PRB4: variants seen among roughly 807,000 people sequenced by gnomAD.
PRB4 encodes the protein basic salivary proline-rich protein 4.
In PRB4, 14 loss-of-function variants were observed where a neutral mutation model predicts 9.1. The observed-to-expected ratio is 1.54, with a 90% confidence interval of 1.02 to 2.41. The LOEUF (loss-of-function observed/expected upper bound fraction) is 2.41. PRB4 is among the 30% of genes most tolerant of loss of function. The pLI, the probability that PRB4 is intolerant of heterozygous loss-of-function variation, is 0.00. For missense variants in PRB4, 381 were observed against 299.3 expected, an observed-to-expected ratio of 1.27 and a Z score of -2.02; for synonymous variants, 102 against 108.5, an observed-to-expected ratio of 0.94 and a Z score of 0.37.
At chr12:11,310,262 T>C in intron 1 of PRB4, 73 bp downstream of exon 1, 1 of 1,582,974 alleles carries the variant, frequency 6.3e-7, no homozygotes, top group Non-Finnish European at 8.7e-7. Context: ...CATTCTCCTC[T>C]CTTCCCCATA....
chr12:11,309,331 A>C (rs769140570), intron 2 of PRB4, 39 bp downstream of exon 2: 2 of 1,613,896 alleles, frequency 1.2e-6, no homozygotes, highest in Non-Finnish European at 1.7e-6. Flanking sequence ...TAAGCAGAAA[A>C]AGGGAGTCAA....
At chr12:11,310,226 A>G (rs548603401) in intron 1 of PRB4, 109 bp downstream of exon 1, 2 of 1,416,568 alleles carry the variant, frequency 1.4e-6, no homozygotes, top group South Asian at 2.3e-5. Context: ...CTAGGCATGA[A>G]AACTCTGCAG....
chr12:11,308,361 G>C lies in PRB4; in HGVS notation c.622C>G (p.Pro208Ala). ...GGCTGCTGGGGATTGCCTCCTGCTGGGGGTGGGCCTTGTGGCTTTCCAGGA... is the reference window on the plus strand; with the variant it reads ...GGCTGCTGGGGATTGCCTCCTGCTGCGGGTGGGCCTTGTGGCTTTCCAGGA... The part of the protein sequence containing the change: ...PPPGKPQGPP[P>A]AGGNPQQPQA... Residue 208 changes from proline (P) to alanine (A), a missense_variant, in exon 3 of 4, where the codon CCA (proline) becomes GCA (alanine). Coordinates refer to ENST00000279575, the MANE Select transcript of PRB4 (RefSeq NM_002723.6). The C allele has an allele frequency of 6.2e-7, 1 of 1,601,638 alleles. No homozygotes were observed. The highest frequency in any genetic ancestry group is 8.5e-7 in the Non-Finnish European group (1 of 1,170,378).
rs75743553 is a variant in PRB4, at chr12:11,308,741, C to A, written c.242G>T (p.Arg81Leu). The A allele has an allele frequency of 6.9e-7, 1 of 1,439,280 alleles. No individual in the cohort carries two copies. Among genetic ancestry groups the A allele is most frequent in the African/African-American group, 1.7e-5 (1 of 58,396 alleles). The allele number at this position is 1,439,280 out of a possible 1,614,324, so 89.2% of individuals were successfully genotyped here. A position where few individuals can be genotyped will look rare whatever the true frequency, so the allele number is the denominator to read the frequency against. ...PPPPPGKPEG[R>L]PPQGGNQSQG... Reference sequence around the variant, plus strand: ...GGACTGGTTGCCTCCTTGTGGGGGTCGTCCTTCTGGCTTTCCTGGAGGAGG... The same window carrying A: ...GGACTGGTTGCCTCCTTGTGGGGGTAGTCCTTCTGGCTTTCCTGGAGGAGG... Residue 81 changes from arginine to leucine, a missense_variant, in exon 3 of 4, where the codon CGA (arginine) becomes CTA (leucine). Transcript: ENST00000279575.
intron 1 of PRB4, 89 bp from the exon 2 acceptor site, chr12:11,309,494 C>A (rs1863004467): frequency 6.2e-7 from 1 of 1,609,542 alleles, no homozygotes; most frequent in Non-Finnish European, 8.5e-7. Context: ...GTCTTCTCAC[C>A]ACACCCCATG....
intron 2 of PRB4, 36 bp downstream of exon 2, chr12:11,309,334 G>A (rs1480021810): frequency 1.9e-6 from 3 of 1,613,794 alleles, no homozygotes; most frequent in African/African-American, 1.3e-5. Flanking sequence ...GCAGAAAAAG[G>A]GAGTCAAAAC....
chr12:11,307,241 G>C (rs1230269730), intron 3 of PRB4, 42 bp from the exon 4 acceptor site: 1 of 152,616 alleles, frequency 6.6e-6, no homozygotes, highest in African/African-American at 2.4e-5. Flanking sequence ...TCACTCTTTT[G>C]ATGCCCTTGC....
rs755659964 is a variant in PRB4, at chr12:11,308,279, C to T, written c.704G>A (p.Arg235Lys). ...QGPPPPPQGG[R>K]PPRPAQGQQP... The stretch of plus-strand genomic sequence containing the variant: ...TTGTCCCTGGGCAGGTCTGGGTGGC[C>T]TGCCCCCTTGAGGAGGTGGAGGTGG... The change falls in exon 3 of 4, where the codon AGG becomes AAG. Residue 235 changes from arginine to lysine, a missense_variant. Arg to Lys is a conservative substitution (Grantham distance 26, BLOSUM62 2). Transcript: ENST00000279575. The T allele has an allele frequency of 5.2e-5, 83 of 1,608,922 alleles. No homozygotes were observed. The highest frequency in any genetic ancestry group is 9.3e-6 in the Non-Finnish European group (11 of 1,177,858).
In PRB4 at chr12:11,308,397, C is replaced by A. The variant is rs745994903; in HGVS notation, c.586G>T (p.Gly196Cys). 5.0e-6 allele frequency: 8 copies of A among 1,611,720 alleles called. No homozygotes were observed. The African/African-American group carries it at 8.0e-5, about 16-fold the overall frequency. ...TGTGGCTTTCCAGGAGGTGGGGGAC[C>A]TTGAGGCTTGTTGCCTTCTTGTTGG... ...PPQQEGNKPQ[G>C]PPPPGKPQGP... Residue 196 changes from glycine to cysteine, a missense_variant, in exon 3 of 4, where the codon GGT becomes TGT. Gly to Cys is a radical substitution (Grantham distance 159). Around this residue, in one of 3 missense-constraint regions of PRB4, gnomAD observed 204 missense variants for 134.4 expected, o/e 1.52. Coordinates refer to ENST00000279575, the MANE Select transcript of PRB4 (RefSeq NM_002723.6).
chr12:11,308,295 G>T lies in PRB4; in HGVS notation c.688C>A (p.Pro230Thr). The change falls in exon 3 of 4, where the codon CCT (proline) becomes ACT (threonine). Residue 230 changes from proline to threonine, a missense_variant. Around this residue, in one of 3 missense-constraint regions of PRB4, gnomAD observed 204 missense variants for 134.4 expected, o/e 1.52. Transcript: ENST00000279575. ...CTGGGTGGCCTGCCCCCTTGAGGAG[G>T]TGGAGGTGGCCCCTGGGGCTTTCCA... is the stretch of plus-strand genomic sequence containing the variant. ...PAGKPQGPPP[P>T]PQGGRPPRPA... The T allele has an allele frequency of 6.2e-7, 1 of 1,609,928 alleles. No individual in the cohort carries two copies. Among genetic ancestry groups the T allele is most frequent in the Non-Finnish European group, 8.5e-7 (1 of 1,178,010 alleles).
At chr12:11,307,751 TA>T (rs1295659760) in intron 3 of PRB4, among the ~76,000 whole-genome samples, 1 of 152,204 alleles carries the variant, frequency 6.6e-6, no homozygotes, top group Non-Finnish European at 1.5e-5. Context: ...TTCCATTAGA[TA>T]TTTTTTGTTA....
Position 11,308,308 on chromosome 12 carries a change from C to G in PRB4, c.675G>C (p.Gln225His). 4 of 1,610,236 alleles carry G rather than the reference C, an allele frequency of 2.5e-6. No homozygotes were observed. Among genetic ancestry groups the G allele is most frequent in the Non-Finnish European group, 3.4e-6 (4 of 1,178,012 alleles). The change falls in exon 3 of 4, where the codon CAG becomes CAC. Residue 225 changes from glutamine (Q) to histidine (H), a missense_variant. Gln to His is a conservative substitution (Grantham distance 24). Transcript: ENST00000279575. ...QPQAPPAGKPQGPPPPPQGGR... is the reference protein window; with the variant it reads ...QPQAPPAGKPHGPPPPPQGGR... ...CCCCTTGAGGAGGTGGAGGTGGCCC[C>G]TGGGGCTTTCCAGCAGGAGGTGCCT...
rs1262006901 is a variant in PRB4, at chr12:11,308,313, G to C, written c.670C>G (p.Pro224Ala). The C allele has an allele frequency of 6.2e-7, 1 of 1,610,364 alleles. No homozygotes were observed. The highest frequency in any genetic ancestry group is 2.2e-5 in the East Asian group (1 of 44,876). The stretch of plus-strand genomic sequence containing the variant: ...TGAGGAGGTGGAGGTGGCCCCTGGG[G>C]CTTTCCAGCAGGAGGTGCCTGAGGC... ...QQPQAPPAGKPQGPPPPPQGG... is the reference protein window; with the variant it reads ...QQPQAPPAGKAQGPPPPPQGG... Residue 224 changes from proline to alanine, a missense_variant, in exon 3 of 4, where the codon CCC (proline) becomes GCC (alanine). Coordinates refer to ENST00000279575, the MANE Select transcript of PRB4 (RefSeq NM_002723.6).
At position 11,308,426 on chromosome 12, in the gene PRB4, G is replaced by A. The variant is rs529711200; in HGVS notation, c.557C>T (p.Pro186Leu). The change falls in exon 3 of 4, where the codon CCA (proline) becomes CTA (leucine). Residue 186 changes from proline to leucine, a missense_variant. By Grantham distance (98) the Pro-to-Leu change is moderately conservative. Coordinates refer to ENST00000279575, the MANE Select transcript of PRB4 (RefSeq NM_002723.6). ...AGGCTTGTTGCCTTCTTGTTGGGGT[G>A]GTCCTTGTGGCTTTCCTGGAGGAGA... ...ARSPPGKPQGPPQQEGNKPQG... is the reference protein window; with the variant it reads ...ARSPPGKPQGLPQQEGNKPQG... 1.9e-6 allele frequency: 3 copies of A among 1,613,646 alleles called. No homozygotes were observed. In the East Asian group the frequency reaches 6.7e-5, roughly 36 times the overall value.
chr12:11,308,717 G>A lies in PRB4; in HGVS notation c.266C>T (p.Ser89Phe), dbSNP rs1862976406. Residue 89 changes from serine (S) to phenylalanine (F), a missense_variant, in exon 3 of 4, where the codon TCC (serine) becomes TTC (phenylalanine). Coordinates refer to ENST00000279575, the MANE Select transcript of PRB4 (RefSeq NM_002723.6). ...EGRPPQGGNQ[S>F]QGPPPHPGKP... ...TCCTGGATGAGGTGGGGGACCTTGG[G>A]ACTGGTTGCCTCCTTGTGGGGGTCG... 6.2e-7 allele frequency: 1 copy of A among 1,612,314 alleles called. No homozygotes were observed. The highest frequency in any genetic ancestry group is 1.1e-5 in the South Asian group (1 of 90,894).
chr12:11,307,424 T>C (rs1021118446), intron 3 of PRB4, among the ~76,000 whole-genome samples: 25 of 152,166 alleles, frequency 1.6e-4, no homozygotes, highest in African/African-American at 5.8e-4. Context: ...GTGACAGGGA[T>C]TGGTTAACGA....
In PRB4 at chr12:11,308,863, G is replaced by A. The variant is rs753431744; in HGVS notation, c.120C>T (p.Arg40=). ...FLISGKPEGR[R]PQGGNQPQRP... ...GTTGGGGCTGGTTTCCTCCTTGTGG[G>A]CGTCGTCCTTCTGGCTTTCCTGGAG... is the stretch of plus-strand genomic sequence containing the variant. The change falls in exon 3 of 4, where the codon CGC becomes CGT. Residue 40 remains arginine (R), a synonymous_variant. Transcript: ENST00000279575. 2 of 1,592,874 alleles carry A rather than the reference G, an allele frequency of 1.3e-6. No individual in the cohort carries two copies. The highest frequency in any genetic ancestry group is 4.6e-5 in the East Asian group (2 of 43,826).
chr12:11,310,212 G>T, intron 1 of PRB4, 123 bp downstream of exon 1: 2 of 1,241,792 alleles, frequency 1.6e-6, no homozygotes, highest in Non-Finnish European at 2.4e-6. Context: ...CAGGTCTCCT[G>T]ATCCTAGGCA....
At chr12:11,309,478 A>G in intron 1 of PRB4, 73 bp from the exon 2 acceptor site, 1 of 1,613,072 alleles carries the variant, frequency 6.2e-7, no homozygotes, top group Non-Finnish European at 8.5e-7. Flanking sequence ...TTCTACAGGG[A>G]AAATTGTCTT....
Sources: gnomAD v4.1 joint callset for allele counts (sites outside exome capture counted in the v4.1 genomes callset) on GRCh38, gnomAD v4.1.1 for gene constraint, gnomAD v4.1.1 regional missense constraint, MANE v1.5 for transcripts, NCBI Gene and HGNC (gene_info 2026-07-23, HGNC 2026-07-21) for gene names.